Variants in SETX observed in about 807,000 individuals in gnomAD.
SETX encodes the protein helicase senataxin.
SETX carries 90 observed loss-of-function variants against 227.2 expected under a neutral mutation model. The observed-to-expected ratio is 0.40, with a 90% CI of 0.33 to 0.47. The LOEUF is 0.47. SETX is among the 20% of genes least tolerant of loss of function. The pLI, the probability that SETX is intolerant of heterozygous loss-of-function variation, is 0.91. For missense variants in SETX, 3,052 were observed against 3,181.5 expected, an observed-to-expected ratio of 0.96 and a Z score of 0.98; for synonymous variants, 1,210 against 1,113.2, an observed-to-expected ratio of 1.09 and a Z score of -1.73.
At chr9:132,269,279 C>T (rs547421656) in intron 25 of SETX, 2 of 594,100 alleles carry the variant, frequency 3.4e-6, no homozygotes, top group East Asian at 6.5e-5. Flanking sequence ...GGGCCAATAA[C>T]AGCCACATTT....
At chr9:132,275,449 T>C (rs1444144974) in intron 22 of SETX, 29 bp from the exon 23 acceptor site, 3 of 1,575,884 alleles carry the variant, frequency 1.9e-6, no homozygotes, top group Non-Finnish European at 2.6e-6. Flanking sequence ...GAAAACACAG[T>C]GTTATCAAAA....
chr9:132,296,115 T>G, intron 14 of SETX, 87 bp from the exon 15 acceptor site: 1 of 1,489,522 alleles, frequency 6.7e-7, no homozygotes, highest in Non-Finnish European at 9.3e-7. Flanking sequence ...TGTCTTTACT[T>G]CCATGTATTT....
chr9:132,288,449 C>G (rs1844062956), intron 16 of SETX, 98 bp from the exon 17 acceptor site: 1 of 1,401,844 alleles, frequency 7.1e-7, no homozygotes, highest in East Asian at 2.4e-5. Flanking sequence ...GTTCCCAAAG[C>G]CAGACTAATT....
chr9:132,288,080 G>C (rs1486155110), intron 17 of SETX, among the ~76,000 whole-genome samples, 156 bp downstream of exon 17: 2 of 152,168 alleles, frequency 1.3e-5, no homozygotes, highest in Admixed American at 1.3e-4. Flanking sequence ...GGAGGCTGAG[G>C]CAGGAGGATC....
intron 2 of SETX, among the ~76,000 whole-genome samples, 193 bp from the exon 3 acceptor site, chr9:132,349,628 A>C (rs1352369886): frequency 1.3e-5 from 2 of 152,260 alleles, no homozygotes; most frequent in African/African-American, 4.8e-5. Context: ...TGACATACGA[A>C]AAATACAGAA....
At chr9:132,275,098 G>T in intron 23 of SETX, 158 bp downstream of exon 23, 1 of 742,848 alleles carries the variant, frequency 1.3e-6, no homozygotes, top group Non-Finnish European at 2.3e-6. Context: ...GAGCCACACA[G>T]CACAAGTCTA....
Position 132,339,856 on chromosome 9 carries a change from C to A in SETX, c.498+2834G>T, listed in dbSNP as rs559446350. 2.9e-4 allele frequency among the ~76,000 whole-genome samples: 44 copies of A among 152,248 alleles called. No homozygotes were observed. The South Asian group carries it at 8.1e-3, about 28-fold the overall frequency. Reference sequence around the variant, plus strand: ...TCTCAAACTCCTGGCCTCAGGTGATCCGCCCACCTCAGCCTCCCAAAGTGC... The same window carrying A: ...TCTCAAACTCCTGGCCTCAGGTGATACGCCCACCTCAGCCTCCCAAAGTGC... On this transcript the variant is annotated intron_variant, in intron 5 of 25. Transcript: ENST00000224140.
intron 4 of SETX, among the ~76,000 whole-genome samples, chr9:132,345,952 GA>G (rs1848261021): frequency 6.6e-6 from 1 of 152,188 alleles, no homozygotes; most frequent in South Asian, 2.1e-4. Flanking sequence ...CCAGGAGGTA[GA>G]GGCTGCAGTG....
rs1363059229 is a variant in SETX, at chr9:132,264,649, G to A, written c.7624C>T (p.Leu2542=). ...TTGACCTCAATGCCCATCCTCTTCA[G>A]CAGTCGTGGGTCCTGAAGTTGGTCA... ...VHDQLQDPRL[L]KRMGIEVKGG... The change falls in exon 26 of 26, where the codon CTG becomes TTG. Residue 2542 remains leucine, a synonymous_variant. Coordinates refer to ENST00000224140, the MANE Select transcript of SETX (RefSeq NM_015046.7). 1 of 1,614,226 alleles carries A rather than the reference G, an allele frequency of 6.2e-7. No homozygotes were observed. The highest frequency in any genetic ancestry group is 8.5e-7 in the Non-Finnish European group (1 of 1,180,050).
rs1758472045 is a variant in SETX, at chr9:132,271,628, C to CA, written c.7199+81dup. 4.5e-6 allele frequency: 5 copies of CA among 1,108,840 alleles called. No homozygotes were observed. In the Admixed American group the frequency reaches 8.4e-5, roughly 19 times the overall value. 68.7% of individuals were successfully genotyped at this position (1,108,840 alleles called of 1,614,324 possible). A position where few individuals can be genotyped will look rare whatever the true frequency, so the allele number is the denominator to read the frequency against. Reference sequence around the variant, plus strand: ...TAAAAAAGCAAATGGTGTTCTCTAACAGTGATAATGAACCTAATCCTGAAC... The same window carrying CA: ...TAAAAAAGCAAATGGTGTTCTCTAACAAGTGATAATGAACCTAATCCTGAAC... On this transcript the variant is annotated intron_variant, in intron 24 of 25. Transcript: ENST00000224140.
chr9:132,332,858 C>G (rs1428369863), intron 7 of SETX, among the ~76,000 whole-genome samples: 1 of 147,550 alleles, frequency 6.8e-6, no homozygotes, highest in South Asian at 2.1e-4. Context: ...GAGGTTAAGG[C>G]TGCAGTGAGA....
intron 10 of SETX, among the ~76,000 whole-genome samples, chr9:132,315,357 T>C (rs535533195): frequency 6.6e-6 from 1 of 152,290 alleles, no homozygotes; most frequent in Admixed American, 6.5e-5. Flanking sequence ...GCAACTGACA[T>C]TCATCTCCAT....
chr9:132,304,195 C>A (rs1301935077), intron 11 of SETX, among the ~76,000 whole-genome samples: 2 of 152,096 alleles, frequency 1.3e-5, no homozygotes, highest in Non-Finnish European at 2.9e-5. Flanking sequence ...TAATGCAGCA[C>A]CCTGACAAAA....
chr9:132,323,130 C>T (rs1000257490), intron 10 of SETX, among the ~76,000 whole-genome samples: 2 of 152,172 alleles, frequency 1.3e-5, no homozygotes, highest in African/African-American at 4.8e-5. Flanking sequence ...GCCTCGCTAA[C>T]ATGAGTAACC....
At chr9:132,296,087 T>C (rs1844654217) in intron 14 of SETX, 59 bp from the exon 15 acceptor site, 5 of 1,587,336 alleles carry the variant, frequency 3.1e-6, no homozygotes, top group Non-Finnish European at 3.5e-6. Context: ...GTGAGCTCTA[T>C]TACATAGCTT....
rs1490284103 is a variant in SETX, at chr9:132,264,122, G to C, written c.*117C>G. 2 of 1,461,818 alleles carry C rather than the reference G, an allele frequency of 1.4e-6. No homozygotes were observed. Among genetic ancestry groups the C allele is most frequent in the Non-Finnish European group, 1.9e-6 (2 of 1,058,560 alleles). The allele number at this position is 1,461,818 out of a possible 1,614,324, so 90.6% of individuals were successfully genotyped here. ...CAGGTGTTAAGGATGCATTTTCCAT[G>C]TTTTCCAACAGCACACAAACTCCTT... On this transcript the variant is annotated 3_prime_UTR_variant, in exon 26 of 26. Transcript: ENST00000224140.
rs530686162 is a variant in SETX, at chr9:132,264,532, G to A, written c.7741C>T (p.His2581Tyr). Reference sequence around the variant, plus strand: ...TGCTGTATATGGCTCAGGTCCTGGTGAACGACAGGGAAGCCCGGCTCGCCC... The same window carrying A: ...TGCTGTATATGGCTCAGGTCCTGGTAAACGACAGGGAAGCCCGGCTCGCCC... ...PTGEPGFPVV[H>Y]QDLSHIQQPA... Residue 2581 changes from histidine (H) to tyrosine (Y), a missense_variant, in exon 26 of 26, where the codon CAC becomes TAC. This residue lies in a region of SETX where 294 missense variants were observed against 278.8 expected (regional missense o/e 1.05). Transcript: ENST00000224140. The A allele has an allele frequency of 1.6e-5, 26 of 1,613,980 alleles. No homozygotes were observed. The East Asian group carries it at 3.1e-4, about 19-fold the overall frequency.
intron 4 of SETX, among the ~76,000 whole-genome samples, chr9:132,344,182 T>G (rs189681261): frequency 1.1e-3 from 162 of 152,310 alleles, no homozygotes; most frequent in African/African-American, 3.7e-3. Flanking sequence ...CATGTATGAC[T>G]GGATCTGCAC....
chr9:132,339,444 C>T (rs1046547601), intron 5 of SETX, among the ~76,000 whole-genome samples: 2 of 152,138 alleles, frequency 1.3e-5, no homozygotes, highest in Non-Finnish European at 1.5e-5. Context: ...CAGAGCAAGA[C>T]CCTGTCTCAA....
Sources: allele counts gnomAD v4.1 joint callset (sites outside exome capture counted in the v4.1 genomes callset), GRCh38; gene constraint gnomAD v4.1.1; regional missense constraint gnomAD v4.1.1; transcripts MANE v1.5; gene names NCBI Gene and HGNC (gene_info 2026-07-23, HGNC 2026-07-21).